HDAC2: variants seen among roughly 807,000 people sequenced by gnomAD.
HDAC2 encodes the protein YY1-associated factor 1.
HDAC2 carries 5 observed loss-of-function variants against 68.5 expected under a neutral mutation model. The observed-to-expected ratio is 0.07, with a 90% CI of 0.04 to 0.15. The LOEUF is 0.15. Among genes scored for constraint, HDAC2 ranks in the 10% least tolerant of loss-of-function variants. The pLI is 1.00. For missense variants in HDAC2, 291 were observed against 600.8 expected, an observed-to-expected ratio of 0.48 and a Z score of 5.39; for synonymous variants, 182 against 191.3, an observed-to-expected ratio of 0.95 and a Z score of 0.40.
In HDAC2 at chr6:113,937,689, T is replaced by C. The variant is rs1017200216; in HGVS notation, c.*3369A>G. 2 of 150,518 alleles carry C rather than the reference T, an allele frequency of 1.3e-5. No individual in the cohort carries two copies. The highest frequency in any genetic ancestry group is 4.9e-5 in the African/African-American group (2 of 40,838). The allele number at this position is 150,518 out of a possible 1,614,324, so 9.3% of individuals were successfully genotyped here. A position where few individuals can be genotyped will look rare whatever the true frequency, so the allele number is the denominator to read the frequency against. ...ACAGGGAGACACCATCTCTCCAAAA[T>C]AAAAATGTAAAAATCAGCTAGGTGT... On this transcript the variant is annotated 3_prime_UTR_variant, in exon 14 of 14. Transcript: ENST00000519065.
At chr6:113,964,886 A>T (rs1410293384) in intron 1 of HDAC2, among the ~76,000 whole-genome samples, 2 of 152,322 alleles carry the variant, frequency 1.3e-5, no homozygotes, top group East Asian at 3.9e-4. Context: ...GTCATCCTTC[A>T]TTCTCTAACA....
At chr6:113,968,365 T>C (rs1459389119) in intron 1 of HDAC2, 1 of 152,232 alleles carries the variant, frequency 6.6e-6, no homozygotes, top group Non-Finnish European at 1.5e-5. Context: ...GAAGCTCCTT[T>C]CCTTGCATTC....
Position 113,970,985 on chromosome 6 carries a change from C to T in HDAC2, c.-77G>A, listed in dbSNP as rs752362666. The T allele has an allele frequency of 6.4e-6, 10 of 1,571,574 alleles. No individual in the cohort carries two copies. The highest frequency in any genetic ancestry group is 8.6e-6 in the Non-Finnish European group (10 of 1,158,556). On this transcript the variant is annotated 5_prime_UTR_variant, in exon 1 of 14. Coordinates refer to ENST00000519065, the MANE Select transcript of HDAC2 (RefSeq NM_001527.4). The stretch of plus-strand genomic sequence containing the variant: ...GCTGCTGCTGCCGCCGCGGCTCGGC[C>T]GGGAGAGAAAAGGGCTGAGGGAAAC...
In HDAC2 at chr6:113,970,942, C is replaced by A; in HGVS notation, c.-34G>T. 6.4e-7 allele frequency: 1 copy of A among 1,554,616 alleles called. No individual in the cohort carries two copies. The highest frequency in any genetic ancestry group is 8.7e-7 in the Non-Finnish European group (1 of 1,149,088). On this transcript the variant is annotated 5_prime_UTR_variant, in exon 1 of 14. Transcript: ENST00000519065. ...CGGCCACCGCCGCCACCGGGCTCCT[C>A]CTCCTGCTGCTGCTGCTGCTGCTGC...
At chr6:113,959,399 C>T (rs3778216) in intron 2 of HDAC2, among the ~76,000 whole-genome samples, 33,663 of 151,740 alleles carry the variant, frequency 0.22, 3,948 homozygotes, top group East Asian at 0.3. Context: ...TTTATACATA[C>T]CCTCATCTTT....
In HDAC2 at chr6:113,970,389, G is replaced by C. The variant is rs553821297; in HGVS notation, c.52+468C>G. 335 of 920,236 alleles carry C rather than the reference G, an allele frequency of 3.6e-4. No individual in the cohort carries two copies. The South Asian group carries it at 5.0e-3, about 14-fold the overall frequency. 57.0% of individuals were successfully genotyped at this position (920,236 alleles called of 1,614,324 possible). On this transcript the variant is annotated intron_variant, in intron 1 of 13. Transcript: ENST00000519065. ...GAGGGGCGGAGCTCTCGCGGCCGCG[G>C]GGCTTTGTGTAGAGTCAAGGCCGGG...
chr6:113,966,477 G>A (rs546540999), intron 1 of HDAC2, among the ~76,000 whole-genome samples: 1 of 151,840 alleles, frequency 6.6e-6, no homozygotes, highest in South Asian at 2.1e-4. Context: ...ACTTGAACCC[G>A]GGAGGGTAGT....
intron 3 of HDAC2, 111 bp from the exon 4 acceptor site, chr6:113,956,804 C>A: frequency 1.4e-6 from 1 of 721,842 alleles, no homozygotes; most frequent in South Asian, 1.6e-5. Context: ...AATCATCAAA[C>A]ATACACTTCA....
intron 2 of HDAC2, 70 bp downstream of exon 2, chr6:113,959,832 TAGAC>T (rs1308755229): frequency 2.8e-6 from 2 of 704,966 alleles, no homozygotes; most frequent in African/African-American, 3.6e-5. Context: ...AGGGGAATAA[TAGAC>T]AAAGTTTCAC....
At position 113,943,503 on chromosome 6, in the gene HDAC2, C is replaced by G; in HGVS notation, c.1226G>C (p.Arg409Pro). The change falls in exon 12 of 14, where the codon CGA becomes CCA. Residue 409 changes from arginine to proline, a missense_variant. Transcript: ENST00000519065. ...ACAAGCTATCCGCTTGTCTGATGCT[C>G]GAACTGCACAGAATATTTTAATAAA... ...GEDPDKRISI[R>P]ASDKRIACDE... The G allele has an allele frequency of 6.3e-7, 1 of 1,595,130 alleles. No individual in the cohort carries two copies. The highest frequency in any genetic ancestry group is 8.5e-7 in the Non-Finnish European group (1 of 1,176,310).
chr6:113,941,402 T>C (rs1776130048), intron 13 of HDAC2, among the ~76,000 whole-genome samples: 1 of 152,094 alleles, frequency 6.6e-6, no homozygotes, highest in Admixed American at 6.5e-5. Flanking sequence ...AAAAAAATCA[T>C]GTACACAGAA....
At position 113,941,657 on chromosome 6, in the gene HDAC2, T is replaced by G. The variant is rs189467686; in HGVS notation, c.1436+51A>C. 2.7e-4 allele frequency: 185 copies of G among 693,974 alleles called. No individual in the cohort carries two copies. The African/African-American group carries it at 3.2e-3, about 12-fold the overall frequency. The allele number at this position is 693,974 out of a possible 1,614,324, so 43.0% of individuals were successfully genotyped here. A position where few individuals can be genotyped will look rare whatever the true frequency, so the allele number is the denominator to read the frequency against. Reference sequence around the variant, plus strand: ...ACACAAACACACACCAATAAACATGTTTAGTATTTTTATAGTATGTAAAAA... The same window carrying G: ...ACACAAACACACACCAATAAACATGGTTAGTATTTTTATAGTATGTAAAAA... On this transcript the variant is annotated intron_variant, in intron 13 of 13. Transcript: ENST00000519065.
At chr6:113,956,239 GC>G (rs1776549650) in intron 4 of HDAC2, 88 bp from the exon 5 acceptor site, 1 of 1,043,590 alleles carries the variant, frequency 9.6e-7, no homozygotes, top group Admixed American at 2.5e-5. Context: ...TGTATGCCAT[GC>G]ATAAGCAAGA....
intron 13 of HDAC2, among the ~76,000 whole-genome samples, chr6:113,941,306 CCAAA>C (rs1353388574): frequency 1.3e-5 from 2 of 151,788 alleles, no homozygotes; most frequent in African/African-American, 4.8e-5. Flanking sequence ...TTATGTGTGC[CCAAA>C]CATTTACATG....
At chr6:113,941,220 T>C (rs547742364) in intron 13 of HDAC2, 132 bp from the exon 14 acceptor site, 3 of 556,376 alleles carry the variant, frequency 5.4e-6, no homozygotes, top group South Asian at 7.1e-5. Context: ...TAAGTGTTTC[T>C]GGAGTAATTA....
intron 1 of HDAC2, among the ~76,000 whole-genome samples, chr6:113,966,682 A>G (rs947379160): frequency 6.6e-6 from 1 of 152,152 alleles, no homozygotes; most frequent in Admixed American, 6.5e-5. Context: ...GTCCTAATGA[A>G]GCTTATGTTA....
chr6:113,945,495 T>A, intron 9 of HDAC2, 25 bp from the exon 10 acceptor site: 1 of 1,063,548 alleles, frequency 9.4e-7, no homozygotes, highest in Non-Finnish European at 1.5e-6. Context: ...AAAATAAAGT[T>A]ACATATTACA....
intron 12 of HDAC2, 22 bp downstream of exon 12, chr6:113,943,329 A>T: frequency 6.3e-7 from 1 of 1,575,630 alleles, no homozygotes; most frequent in Non-Finnish European, 8.6e-7. Flanking sequence ...TTAAAACACA[A>T]TTACCAAGAA....
intron 1 of HDAC2, among the ~76,000 whole-genome samples, chr6:113,965,132 C>A (rs1021159987): frequency 6.6e-6 from 1 of 152,166 alleles, no homozygotes; most frequent in Non-Finnish European, 1.5e-5. Flanking sequence ...TGGGTAAAGT[C>A]AAATTTCTTA....
Sources: gnomAD v4.1 joint callset for allele counts (sites outside exome capture counted in the v4.1 genomes callset) on GRCh38, gnomAD v4.1.1 for gene constraint, MANE v1.5 for transcripts, NCBI Gene and HGNC (gene_info 2026-07-23, HGNC 2026-07-21) for gene names.